PGAM5: variants seen among roughly 807,000 people sequenced by gnomAD.
PGAM5 encodes serine/threonine-protein phosphatase PGAM5, mitochondrial.
In PGAM5, 25 loss-of-function variants were observed where a neutral mutation model predicts 30.6. The observed-to-expected ratio is 0.82, with a 90% CI of 0.60 to 1.14. The LOEUF (loss-of-function observed/expected upper bound fraction) is 1.14, where lower values mean the gene tolerates loss of function less well. Among genes scored for constraint, PGAM5 ranks in the 50% most tolerant of loss-of-function variants. PGAM5 has a pLI of 0.00. For synonymous variants in PGAM5, 201 were observed against 179.1 expected, an observed-to-expected ratio of 1.12 and a Z score of -0.98; for missense variants, 384 against 408.5, an observed-to-expected ratio of 0.94 and a Z score of 0.52.
Position 132,720,850 on chromosome 12 carries a change from T to C in PGAM5, c.*22T>C. 1 of 1,533,692 alleles carries C rather than the reference T, an allele frequency of 6.5e-7. No individual in the cohort carries two copies. The highest frequency in any genetic ancestry group is 8.7e-7 in the Non-Finnish European group (1 of 1,145,302). Reference sequence around the variant, plus strand: ...CTGAGGGCTCCGGCCTCTCCTTCCCTCTGTCCTCCCTGCACAGGCCGCACA... The same window carrying C: ...CTGAGGGCTCCGGCCTCTCCTTCCCCCTGTCCTCCCTGCACAGGCCGCACA... On this transcript the variant is annotated 3_prime_UTR_variant, in exon 6 of 6. Transcript: ENST00000498926.
At chr12:132,711,241 CG>C (rs1402627984) in intron 1 of PGAM5, 174 bp downstream of exon 1, 3 of 445,902 alleles carry the variant, frequency 6.7e-6, no homozygotes, top group Non-Finnish European at 1.0e-5. Context: ...CGGAGGGTTC[CG>C]GGGGCGGCTG....
chr12:132,717,948 G>T, intron 4 of PGAM5, 39 bp from the exon 5 acceptor site: 3 of 1,610,544 alleles, frequency 1.9e-6, no homozygotes, highest in South Asian at 1.1e-5. Context: ...CGCCCTGCCC[G>T]AGCACTTCCG....
chr12:132,717,684 C>T (rs1241591690), intron 3 of PGAM5, 26 bp from the exon 4 acceptor site: 5 of 1,564,314 alleles, frequency 3.2e-6, no homozygotes, highest in Non-Finnish European at 4.3e-6. Context: ...CCGCCTCACC[C>T]AGCGCTTCGC....
At chr12:132,716,616 G>C (rs1369712777) in intron 2 of PGAM5, among the ~76,000 whole-genome samples, 2 of 152,228 alleles carry the variant, frequency 1.3e-5, no homozygotes, top group Non-Finnish European at 2.9e-5. Context: ...TGCATAGACA[G>C]CGTCCAGGAG....
rs11548882 is a variant in PGAM5 at position 132,720,909 on chromosome 12, A to C, written c.*81A>C. 5.9e-3 allele frequency: 8,487 copies of C among 1,445,658 alleles called. 374 individuals carry two copies. The African/African-American group carries it at 0.1, about 17-fold the overall frequency. 89.6% of individuals were successfully genotyped at this position (1,445,658 alleles called of 1,614,324 possible). Reference sequence around the variant, plus strand: ...GTTTTGTTCCCAAGGAGACCGGCGGAAAGTAGAAACCTGCAATGCTGCATC... The same window carrying C: ...GTTTTGTTCCCAAGGAGACCGGCGGCAAGTAGAAACCTGCAATGCTGCATC... On this transcript the variant is annotated 3_prime_UTR_variant, in exon 6 of 6. Coordinates refer to ENST00000498926, the MANE Select transcript of PGAM5 (RefSeq NM_001170543.2).
intron 2 of PGAM5, among the ~76,000 whole-genome samples, chr12:132,716,759 G>A (rs755949782): frequency 7.9e-5 from 12 of 152,230 alleles, no homozygotes; most frequent in African/African-American, 2.2e-4. Flanking sequence ...GATAGTGCCT[G>A]TTCATGCACA....
rs765331246 is a variant in PGAM5 at position 132,714,976 on chromosome 12, A to G, written c.310A>G (p.Arg104Gly). 1 of 1,613,440 alleles carries G rather than the reference A, an allele frequency of 6.2e-7. No individual in the cohort carries two copies. The highest frequency in any genetic ancestry group is 1.7e-5 in the Admixed American group (1 of 60,022). Reference sequence around the variant, plus strand: ...GGCCACGCGGCACATCTTCCTCATCAGGCATTCCCAGTACCACGTGGATGG... The same window carrying G: ...GGCCACGCGGCACATCTTCCTCATCGGGCATTCCCAGTACCACGTGGATGG... ...AKATRHIFLI[R>G]HSQYHVDGSL... Residue 104 changes from arginine (R) to glycine (G), a missense_variant, in exon 2 of 6, where the codon AGG becomes GGG. Arg to Gly is a moderately radical substitution (Grantham distance 125). Coordinates refer to ENST00000498926, the MANE Select transcript of PGAM5 (RefSeq NM_001170543.2).
Position 132,710,861 on chromosome 12 carries a change from C to G in PGAM5, c.-16C>G, listed in dbSNP as rs531327149. ...GGCCGTGGGCGCCTGCGCGGGCCGGCGCGGGAGCAAGCGGCATGGCGTTCC... is the reference window on the plus strand; with the variant it reads ...GGCCGTGGGCGCCTGCGCGGGCCGGGGCGGGAGCAAGCGGCATGGCGTTCC... On this transcript the variant is annotated 5_prime_UTR_variant, in exon 1 of 6. Transcript: ENST00000498926. 6.3e-6 allele frequency: 7 copies of G among 1,119,928 alleles called. No homozygotes were observed. The East Asian group carries it at 2.5e-4, about 40-fold the overall frequency. 69.4% of individuals were successfully genotyped at this position (1,119,928 alleles called of 1,614,324 possible). A position where few individuals can be genotyped will look rare whatever the true frequency, so the allele number is the denominator to read the frequency against.
At chr12:132,719,089 C>A in intron 5 of PGAM5, 1 of 1,399,322 alleles carries the variant, frequency 7.1e-7, no homozygotes, top group South Asian at 1.5e-5. Flanking sequence ...CCTTGGGGGG[C>A]AGGGCCAGCT....
chr12:132,717,579 C>CG lies in PGAM5; in HGVS notation c.496+19dup. ...GCACCTGCCAGGTGAGTGCTGCGCGCGGGGCCTCCATGCTTGCAGCAGTGG... is the reference window on the plus strand; with the variant it reads ...GCACCTGCCAGGTGAGTGCTGCGCGCGGGGGCCTCCATGCTTGCAGCAGTGG... On this transcript the variant is annotated intron_variant, in intron 3 of 5. Coordinates refer to ENST00000498926, the MANE Select transcript of PGAM5 (RefSeq NM_001170543.2). The CG allele has an allele frequency of 1.2e-6, 2 of 1,609,656 alleles. No individual in the cohort carries two copies. The highest frequency in any genetic ancestry group is 2.2e-5 in the South Asian group (2 of 91,026).
At chr12:132,719,462 C>T (rs1417661492) in intron 5 of PGAM5, among the ~76,000 whole-genome samples, 4 of 152,182 alleles carry the variant, frequency 2.6e-5, no homozygotes, top group East Asian at 1.9e-4. Context: ...TTGGAGCCTC[C>T]GGGTGGTGTG....
At position 132,710,888 on chromosome 12, in the gene PGAM5, G is replaced by A. The variant is rs2136076707; in HGVS notation, c.12G>A (p.Arg4=). 8.8e-7 allele frequency: 1 copy of A among 1,137,622 alleles called. No homozygotes were observed. The allele number at this position is 1,137,622 out of a possible 1,614,324, so 70.5% of individuals were successfully genotyped here. MAF[R]QALQLAACGL... ...CGGGAGCAAGCGGCATGGCGTTCCG[G>A]CAGGCGCTGCAGCTGGCGGCCTGCG... Residue 4 remains arginine, a synonymous_variant, in exon 1 of 6, where the codon CGG becomes CGA. Transcript: ENST00000498926.
chr12:132,717,600 A>T, intron 3 of PGAM5, 36 bp downstream of exon 3: 1 of 1,606,782 alleles, frequency 6.2e-7, no homozygotes, highest in Non-Finnish European at 8.5e-7. Context: ...TGCTTGCAGC[A>T]GTGGGCGGCT....
intron 5 of PGAM5, chr12:132,718,909 C>G: frequency 6.3e-7 from 1 of 1,588,308 alleles, no homozygotes; most frequent in Non-Finnish European, 8.6e-7. Flanking sequence ...AGCTGAGTCA[C>G]GTTGCTGCTC....
In PGAM5 at chr12:132,720,898, G is replaced by C. The variant is rs2043638661; in HGVS notation, c.*70G>C. On this transcript the variant is annotated 3_prime_UTR_variant, in exon 6 of 6. Transcript: ENST00000498926. ...ACACACTTAACGTTTTGTTCCCAAG[G>C]AGACCGGCGGAAAGTAGAAACCTGC... is the stretch of plus-strand genomic sequence containing the variant. The C allele has an allele frequency of 2.7e-6, 4 of 1,462,974 alleles. No individual in the cohort carries two copies. In the African/African-American group the frequency reaches 4.2e-5, roughly 15 times the overall value. 90.6% of individuals were successfully genotyped at this position (1,462,974 alleles called of 1,614,324 possible).
rs185971628 is a variant in PGAM5 at position 132,720,575 on chromosome 12, G to A, written c.720-103G>A. ...ACCCGCCTGGCCTCCCAAAGTGCTG[G>A]GATTACAGGTGTGAGCCACCATGCC... On this transcript the variant is annotated intron_variant, in intron 5 of 5. Coordinates refer to ENST00000498926, the MANE Select transcript of PGAM5 (RefSeq NM_001170543.2). The A allele has an allele frequency of 8.0e-6, 10 of 1,246,362 alleles. No individual in the cohort carries two copies. In the Admixed American group the frequency reaches 1.8e-4, roughly 22 times the overall value. The allele number at this position is 1,246,362 out of a possible 1,614,324, so 77.2% of individuals were successfully genotyped here. A position where few individuals can be genotyped will look rare whatever the true frequency, so the allele number is the denominator to read the frequency against.
At chr12:132,719,605 G>T (rs2043623059) in intron 5 of PGAM5, among the ~76,000 whole-genome samples, 1 of 152,236 alleles carries the variant, frequency 6.6e-6, no homozygotes, top group Non-Finnish European at 1.5e-5. Context: ...TCACCCCGAG[G>T]TGACACAAAT....
chr12:132,717,335 G>GGTGTTTGAGGGGGGAGGAGGGC (rs1565999431), intron 2 of PGAM5, 104 bp from the exon 3 acceptor site: 1 of 1,227,716 alleles, frequency 8.1e-7, no homozygotes, highest in Non-Finnish European at 1.1e-6. Flanking sequence ...CGGAGGAGGG[G>GGTGTTTGAGGGGGGAGGAGGGC]GTGTTTGAGG....
chr12:132,715,014 G>C lies in PGAM5; in HGVS notation c.348G>C (p.Lys116Asn). Residue 116 changes from lysine (K) to asparagine (N), a missense_variant, in exon 2 of 6, where the codon AAG (lysine) becomes AAC (asparagine). Physicochemically the swap from Lys to Asn is moderately conservative, Grantham distance 94. Transcript: ENST00000498926. The part of the protein sequence containing the change: ...SQYHVDGSLE[K>N]DRTLTPLGRE... ...ACCACGTGGATGGCTCCCTGGAGAA[G>C]GACCGCACTCTGACCCCGCTGGGTA... 2.5e-6 allele frequency: 4 copies of C among 1,612,738 alleles called. No homozygotes were observed. Among genetic ancestry groups the C allele is most frequent in the Non-Finnish European group, 3.4e-6 (4 of 1,179,730 alleles).
Sources: gnomAD v4.1 joint callset for allele counts (sites outside exome capture counted in the v4.1 genomes callset) on GRCh38, gnomAD v4.1.1 for gene constraint, MANE v1.5 for transcripts, NCBI Gene and HGNC (gene_info 2026-07-23, HGNC 2026-07-21) for gene names.